The following RERG variants were observed in gnomAD, a reference collection of about 807,000 sequenced individuals.
RERG encodes ras-related and estrogen-regulated growth inhibitor.
Under a neutral mutation model 23.2 loss-of-function variants are expected in RERG, and 25 were observed. The observed-to-expected ratio is 1.08, with a 90% CI of 0.79 to 1.50. The LOEUF (loss-of-function observed/expected upper bound fraction) is 1.50, where lower values mean the gene tolerates loss of function less well. Ranked by LOEUF, RERG falls within the 40% of genes most tolerant of loss-of-function variation. The pLI is 0.00. For synonymous variants in RERG, 81 were observed against 89.1 expected (o/e 0.91, Z 0.51); for missense variants, 253 against 250.1 (o/e 1.01, Z -0.08).
chr12:15,162,333 G>T (rs1391415046), intron 2 of RERG, among the ~76,000 whole-genome samples: 1 of 152,152 alleles, frequency 6.6e-6, no homozygotes. Context: ...AAGAAATCAG[G>T]AGTTCAAATA....
At chr12:15,140,451 A>G (rs1340620620) in intron 2 of RERG, among the ~76,000 whole-genome samples, 1 of 151,970 alleles carries the variant, frequency 6.6e-6, no homozygotes. Flanking sequence ...TCATTTAAAA[A>G]ATAAGAAACA....
chr12:15,189,006 C>T (rs1415349133), intron 2 of RERG, among the ~76,000 whole-genome samples: 1 of 152,180 alleles, frequency 6.6e-6, no homozygotes, highest in Non-Finnish European at 1.5e-5. Flanking sequence ...CATAAGTCCA[C>T]TACGATGTTG....
intron 2 of RERG, among the ~76,000 whole-genome samples, chr12:15,126,059 C>A (rs1261613464): frequency 2.7e-5 from 4 of 146,674 alleles, no homozygotes; most frequent in African/African-American, 1.0e-4. Flanking sequence ...GCTTAAGAGT[C>A]TTACTAATGT....
intron 2 of RERG, among the ~76,000 whole-genome samples, chr12:15,164,333 A>G (rs895507456): frequency 1.7e-4 from 26 of 152,210 alleles, no homozygotes; most frequent in Admixed American, 6.5e-4. Flanking sequence ...TGGGACATCC[A>G]TAAAGCTAAT....
chr12:15,140,313 G>A (rs1406366929), intron 2 of RERG, among the ~76,000 whole-genome samples: 1 of 151,984 alleles, frequency 6.6e-6, no homozygotes, highest in South Asian at 2.1e-4. Flanking sequence ...CAGGAAGAGG[G>A]CCCTCACAGA....
intron 2 of RERG, among the ~76,000 whole-genome samples, chr12:15,162,722 G>A (rs1864632721): frequency 6.6e-6 from 1 of 152,170 alleles, no homozygotes. Context: ...TAAATTTACG[G>A]TGTGGTTTCA....
At chr12:15,162,789 T>G (rs1163707961) in intron 2 of RERG, among the ~76,000 whole-genome samples, 1 of 152,188 alleles carries the variant, frequency 6.6e-6, no homozygotes. Flanking sequence ...ATTTCACAAA[T>G]GTGAAAATTA....
At chr12:15,111,976 C>G (rs1412350980) in intron 3 of RERG, among the ~76,000 whole-genome samples, 1 of 152,128 alleles carries the variant, frequency 6.6e-6, no homozygotes, top group Admixed American at 6.5e-5. Context: ...GTGCCTGGCC[C>G]TATCCTTTCC....
intron 2 of RERG, among the ~76,000 whole-genome samples, chr12:15,139,519 A>G (rs908909357): frequency 2.6e-5 from 4 of 152,128 alleles, no homozygotes; most frequent in African/African-American, 7.2e-5. Flanking sequence ...TGCTTCTCGC[A>G]TAGATCTGGT....
chr12:15,185,616 A>G (rs1864980508), intron 2 of RERG, among the ~76,000 whole-genome samples: 1 of 152,022 alleles, frequency 6.6e-6, no homozygotes. Flanking sequence ...TCTCTGGGGG[A>G]AAATAATTAT....
chr12:15,145,920 T>C (rs1258068859), intron 2 of RERG, among the ~76,000 whole-genome samples: 1 of 152,260 alleles, frequency 6.6e-6, no homozygotes, highest in African/African-American at 2.4e-5. Flanking sequence ...TTGCTTTCCA[T>C]GCCTACGGTG....
intron 2 of RERG, among the ~76,000 whole-genome samples, chr12:15,209,510 T>C (rs1303285183): frequency 7.2e-6 from 1 of 138,414 alleles, no homozygotes; most frequent in African/African-American, 3.1e-5. Flanking sequence ...GATTCATCAG[T>C]TTTTTTTTTT....
At chr12:15,208,727 T>C (rs1018177056) in intron 2 of RERG, among the ~76,000 whole-genome samples, 1 of 152,120 alleles carries the variant, frequency 6.6e-6, no homozygotes, top group Non-Finnish European at 1.5e-5. Flanking sequence ...TAGGGAAATA[T>C]ATAAATACAC....
At chr12:15,153,343 T>C (rs755744992) in intron 2 of RERG, among the ~76,000 whole-genome samples, 2 of 152,108 alleles carry the variant, frequency 1.3e-5, no homozygotes, top group Non-Finnish European at 2.9e-5. Flanking sequence ...TAGTGAAAAA[T>C]ATGAACCAGC....
intron 2 of RERG, among the ~76,000 whole-genome samples, chr12:15,174,835 T>A (rs1201288868): frequency 3.9e-5 from 6 of 152,138 alleles, no homozygotes; most frequent in Non-Finnish European, 7.4e-5. Flanking sequence ...TTTATTGATA[T>A]TCTCTATTTG....
intron 3 of RERG, among the ~76,000 whole-genome samples, chr12:15,119,521 T>C (rs1171423611): frequency 6.6e-6 from 1 of 152,104 alleles, no homozygotes; most frequent in African/African-American, 2.4e-5. Context: ...GTAAAACTTA[T>C]GTAAGTAATA....
intron 2 of RERG, among the ~76,000 whole-genome samples, chr12:15,142,846 T>C (rs971242061): frequency 6.6e-6 from 1 of 152,174 alleles, no homozygotes; most frequent in African/African-American, 2.4e-5. Flanking sequence ...TATTCTCACT[T>C]TGAAATAACT....
intron 2 of RERG, among the ~76,000 whole-genome samples, chr12:15,204,223 A>G (rs1474352406): frequency 2.0e-5 from 3 of 151,860 alleles, no homozygotes; most frequent in African/African-American, 7.2e-5. Flanking sequence ...AAACAGGCAC[A>G]TAGACCAACA....
intron 2 of RERG, among the ~76,000 whole-genome samples, chr12:15,175,165 GTTTTT>G: frequency 7.1e-6 from 1 of 140,308 alleles, no homozygotes; most frequent in Admixed American, 7.0e-5. Context: ...TGTATTTGTT[GTTTTT>G]TTTTTTGTTT....
Sources: gnomAD v4.1 joint callset for allele counts (sites outside exome capture counted in the v4.1 genomes callset) on GRCh38, gnomAD v4.1.1 for gene constraint, MANE v1.5 for transcripts, NCBI Gene and HGNC (gene_info 2026-07-23, HGNC 2026-07-21) for gene names.